The following KIAA0232 variants were observed in gnomAD, a reference collection of about 807,000 sequenced individuals.
The protein encoded by KIAA0232 is uncharacterized protein KIAA0232.
A neutral mutation model predicts 122.0 loss-of-function variants in KIAA0232; 27 were observed. The ratio of observed to expected loss-of-function variants is 0.22; its 90% CI spans 0.16 to 0.31. KIAA0232 has a LOEUF of 0.31. Ranked by LOEUF, KIAA0232 falls within the 10% of genes least tolerant of loss-of-function variation. The pLI is 1.00. For synonymous variants in KIAA0232, 613 were observed against 587.6 expected, an observed-to-expected ratio of 1.04 and a Z score of -0.63; for missense variants, 1,551 against 1,634.2, an observed-to-expected ratio of 0.95 and a Z score of 0.88.
rs1471569614 is a variant in KIAA0232 at position 6,883,733 on chromosome 4, G to A, written c.*2767G>A. On this transcript the variant is annotated 3_prime_UTR_variant, in exon 10 of 10. Transcript: ENST00000307659. ...TATGTTAATATGATTGATATTCATT[G>A]TGCAAAAAAAATCAGTGTGTTTTTA... The A allele has an allele frequency of 6.6e-6, 1 of 152,050 alleles. No homozygotes were observed. Among genetic ancestry groups the A allele is most frequent in the African/African-American group, 2.4e-5 (1 of 41,402 alleles). 9.4% of individuals were successfully genotyped at this position (152,050 alleles called of 1,614,324 possible). A position where few individuals can be genotyped will look rare whatever the true frequency, so the allele number is the denominator to read the frequency against.
chr4:6,869,346 C>T (rs774320168), intron 7 of KIAA0232, among the ~76,000 whole-genome samples: 13 of 152,324 alleles, frequency 8.5e-5, no homozygotes, highest in Non-Finnish European at 1.5e-4. Flanking sequence ...TCTTCAATAG[C>T]GCCTTAGGGA....
At chr4:6,826,502 A>AT (rs1190007392) in intron 3 of KIAA0232, among the ~76,000 whole-genome samples, 1,750 of 132,492 alleles carry the variant, frequency 0.013, 18 homozygotes, top group South Asian at 0.03. Context: ...ATAGGGAATG[A>AT]TTTTTTTTTT....
In KIAA0232 at chr4:6,881,042, C is replaced by A; in HGVS notation, c.*76C>A. The A allele has an allele frequency of 9.4e-7, 1 of 1,061,352 alleles. No individual in the cohort carries two copies. The highest frequency in any genetic ancestry group is 1.3e-6 in the Non-Finnish European group (1 of 796,084). 65.7% of individuals were successfully genotyped at this position (1,061,352 alleles called of 1,614,324 possible). ...TTACTCTTCAGTGAGACCTGTTAAT[C>A]TAAAACAACAACTTAGGTTTCCTCT... is the stretch of plus-strand genomic sequence containing the variant. On this transcript the variant is annotated 3_prime_UTR_variant, in exon 10 of 10. Transcript: ENST00000307659.
intron 2 of KIAA0232, among the ~76,000 whole-genome samples, chr4:6,813,431 C>G (rs1457383667): frequency 6.6e-6 from 1 of 151,414 alleles, no homozygotes; most frequent in Non-Finnish European, 1.5e-5. Flanking sequence ...GGCGCAGTCT[C>G]GGCTCACTGC....
At chr4:6,880,628 G>A (rs1385568587) in intron 9 of KIAA0232, among the ~76,000 whole-genome samples, 159 bp from the exon 10 acceptor site, 11 of 152,268 alleles carry the variant, frequency 7.2e-5, no homozygotes, top group Admixed American at 7.2e-4. Flanking sequence ...TCAGAGAAGA[G>A]AGGCGGTTTT....
chr4:6,797,926 C>G (rs1016210859), intron 1 of KIAA0232, among the ~76,000 whole-genome samples: 4 of 151,626 alleles, frequency 2.6e-5, no homozygotes, highest in Admixed American at 6.6e-5. Context: ...GGCACAGTGG[C>G]GGGCGCCTGT....
intron 1 of KIAA0232, among the ~76,000 whole-genome samples, chr4:6,792,194 C>A (rs186013092): frequency 1.9e-4 from 29 of 152,290 alleles, no homozygotes; most frequent in Non-Finnish European, 3.5e-4. Context: ...ACTTTAGGTA[C>A]AGATTTGCTT....
At chr4:6,831,954 G>T (rs979146538) in intron 3 of KIAA0232, among the ~76,000 whole-genome samples, 1 of 152,192 alleles carries the variant, frequency 6.6e-6, no homozygotes, top group Non-Finnish European at 1.5e-5. Flanking sequence ...AGTGCCCTAT[G>T]CCCACACCTA....
rs771289620 is a variant in KIAA0232, at chr4:6,855,785, C to T, written c.370-1379C>T. 8.5e-6 allele frequency: 8 copies of T among 943,764 alleles called. No individual in the cohort carries two copies. The East Asian group carries it at 9.3e-4, about 110-fold the overall frequency. 58.5% of individuals were successfully genotyped at this position (943,764 alleles called of 1,614,324 possible). On this transcript the variant is annotated intron_variant, in intron 4 of 9. Transcript: ENST00000307659. The surrounding 1 kb of genome is among the most constrained non-coding windows in gnomAD (Gnocchi z 4.3). ...AGCCCTAGGTTTAGAAACCTAGTGA[C>T]ATAGGCTTGCTGTACAGAACAGTAT...
Position 6,846,855 on chromosome 4 carries a change from A to G in KIAA0232, c.369+4651A>G, listed in dbSNP as rs145695478. On this transcript the variant is annotated intron_variant, in intron 4 of 9. Coordinates refer to ENST00000307659, the MANE Select transcript of KIAA0232 (RefSeq NM_014743.3). ...ATTTTATTTTGTGTTTTTGTCGTGA[A>G]TGTTTGCATATAAGTATGCTCATTT... Among the ~76,000 whole-genome samples the G allele has an allele frequency of 2.9e-3, 444 of 152,226 alleles. 1 individual carries two copies. Among genetic ancestry groups the G allele is most frequent in the Non-Finnish European group, 4.5e-3 (303 of 68,026 alleles).
chr4:6,868,997 T>C (rs963782587), intron 7 of KIAA0232, among the ~76,000 whole-genome samples: 9 of 152,288 alleles, frequency 5.9e-5, no homozygotes, highest in African/African-American at 1.9e-4. Flanking sequence ...GCGGAAACTT[T>C]TCTTCACGTC....
In KIAA0232 at chr4:6,855,847, T is replaced by C; in HGVS notation, c.370-1317T>C. On this transcript the variant is annotated intron_variant, in intron 4 of 9. Transcript: ENST00000307659. The surrounding 1 kb of genome is among the most constrained non-coding windows in gnomAD (Gnocchi z 4.3). ...GCTGACACTGGTGTTGGTTTCACGATCCGAAGGAAATGGAATATAATTGCC... is the reference window on the plus strand; with the variant it reads ...GCTGACACTGGTGTTGGTTTCACGACCCGAAGGAAATGGAATATAATTGCC... The C allele has an allele frequency of 1.0e-6, 1 of 985,386 alleles. No homozygotes were observed. The highest frequency in any genetic ancestry group is 1.2e-6 in the Non-Finnish European group (1 of 829,904). 61.0% of individuals were successfully genotyped at this position (985,386 alleles called of 1,614,324 possible).
chr4:6,818,666 C>T (rs532006702), intron 2 of KIAA0232, among the ~76,000 whole-genome samples: 1 of 151,790 alleles, frequency 6.6e-6, no homozygotes, highest in Non-Finnish European at 1.5e-5. Context: ...ACATATTCAA[C>T]ACTGTTCCCA....
intron 4 of KIAA0232, among the ~76,000 whole-genome samples, chr4:6,844,681 C>G (rs1479067655): frequency 1.3e-5 from 2 of 152,206 alleles, no homozygotes; most frequent in Non-Finnish European, 2.9e-5. Context: ...GGTGATCCAC[C>G]TGCTTCCACC....
intron 3 of KIAA0232, among the ~76,000 whole-genome samples, chr4:6,838,727 C>CT (rs749354748): frequency 0.012 from 1,272 of 108,142 alleles, 13 homozygotes; most frequent in East Asian, 0.016. Flanking sequence ...TTCAAAGCAG[C>CT]TTTTTTTTTT....
At chr4:6,864,320 A>G in intron 7 of KIAA0232, 137 bp downstream of exon 7, 1 of 971,816 alleles carries the variant, frequency 1.0e-6, no homozygotes, top group Non-Finnish European at 1.5e-6. Context: ...AATTGTTCTA[A>G]TTTTACATGT....
intron 2 of KIAA0232, among the ~76,000 whole-genome samples, chr4:6,815,475 C>T (rs138623705): frequency 5.9e-5 from 9 of 152,260 alleles, no homozygotes; most frequent in South Asian, 2.1e-4. Flanking sequence ...GTATTCTGTA[C>T]GTGGGTCATC....
chr4:6,860,759 T>G, intron 6 of KIAA0232, 142 bp from the exon 7 acceptor site: 1 of 766,730 alleles, frequency 1.3e-6, no homozygotes, highest in Non-Finnish European at 2.1e-6. Flanking sequence ...TTATAAATTA[T>G]TGTAAAGTTA....
At chr4:6,847,733 G>A (rs1425642705) in intron 4 of KIAA0232, among the ~76,000 whole-genome samples, 1 of 152,114 alleles carries the variant, frequency 6.6e-6, no homozygotes, top group African/African-American at 2.4e-5. Context: ...AGGCAATTCA[G>A]CCCTCCTCCA....
Sources: gnomAD v4.1 joint callset for allele counts (sites outside exome capture counted in the v4.1 genomes callset) on GRCh38, gnomAD v4.1.1 for gene constraint, Gnocchi (gnomAD v3.1) non-coding constraint, MANE v1.5 for transcripts, NCBI Gene and HGNC (gene_info 2026-07-23, HGNC 2026-07-21) for gene names.